The following AHCYL2 variants were observed in gnomAD, a reference collection of about 807,000 sequenced individuals.
AHCYL2 encodes the protein adenosylhomocysteinase like 2.
In AHCYL2, 28 loss-of-function variants were observed where a neutral mutation model predicts 81.4. That is an observed-to-expected ratio of 0.34 (90% confidence interval 0.25 to 0.47). The LOEUF (loss-of-function observed/expected upper bound fraction) is 0.47, where lower values mean the gene tolerates loss of function less well. Among genes scored for constraint, AHCYL2 ranks in the 20% least tolerant of loss-of-function variants. The probability of loss-of-function intolerance (pLI) is 1.00; values close to 1 mark genes in which losing one functional copy is unlikely to be tolerated. For synonymous variants in AHCYL2, 272 were observed against 290.2 expected (o/e 0.94, Z 0.64); for missense variants, 551 against 785.1 (o/e 0.70, Z 3.56).
chr7:129,408,487 CAAGATAGAA>C (rs1796406635), intron 10 of AHCYL2, among the ~76,000 whole-genome samples: 1 of 151,986 alleles, frequency 6.6e-6, no homozygotes, highest in Non-Finnish European at 1.5e-5. Flanking sequence ...TGCTATTGAT[CAAGATAGAA>C]AATATAGAAG....
chr7:129,401,339 G>GCCC (rs11375520), intron 6 of AHCYL2, among the ~76,000 whole-genome samples: 5 of 144,656 alleles, frequency 3.5e-5, no homozygotes, highest in Non-Finnish European at 7.6e-5. Flanking sequence ...CCATCCCAGT[G>GCCC]CCCCCCCCCA....
chr7:129,284,080 TC>T (rs371404324), intron 1 of AHCYL2, among the ~76,000 whole-genome samples: 27 of 152,292 alleles, frequency 1.8e-4, no homozygotes, highest in African/African-American at 6.3e-4. Flanking sequence ...TTCCAGGACT[TC>T]CTGGGGTAGG....
rs143619970 is a variant in AHCYL2 at position 129,424,398 on chromosome 7, TAATCAATCAATCAATC to T, written c.1561-458_1561-443del. Among the ~76,000 whole-genome samples, 411 of 151,770 alleles carry T rather than the reference TAATCAATCAATCAATC, an allele frequency of 2.7e-3. 1 individual carries two copies. The highest frequency in any genetic ancestry group is 4.6e-3 in the Non-Finnish European group (311 of 67,926). The stretch of plus-strand genomic sequence containing the variant: ...CTGGGCAACAGAGGGAGACTCCATC[TAATCAATCAATCAATC>T]AATCAATCAATCAATCATCACAGCT... On this transcript the variant is annotated intron_variant, in intron 13 of 16. Coordinates refer to ENST00000325006, the MANE Select transcript of AHCYL2 (RefSeq NM_015328.4).
chr7:129,354,282 G>A (rs2150834302), intron 1 of AHCYL2, among the ~76,000 whole-genome samples: 1 of 152,308 alleles, frequency 6.6e-6, no homozygotes, highest in East Asian at 1.9e-4. Context: ...GAAGATGGAT[G>A]TGGGGAAGTT....
At chr7:129,407,567 C>G (rs1432430945) in intron 10 of AHCYL2, among the ~76,000 whole-genome samples, 1 of 152,080 alleles carries the variant, frequency 6.6e-6, no homozygotes, top group African/African-American at 2.4e-5. Flanking sequence ...TTCTGGTACA[C>G]TAAGAGTTTA....
At position 129,246,644 on chromosome 7, in the gene AHCYL2, G is replaced by T. The variant is rs180840921; in HGVS notation, c.363+21205G>T. Among the ~76,000 whole-genome samples the T allele has an allele frequency of 3.9e-5, 6 of 152,086 alleles. No homozygotes were observed. In the East Asian group the frequency reaches 1.2e-3, roughly 29 times the overall value. On this transcript the variant is annotated intron_variant, in intron 1 of 16. Transcript: ENST00000325006. ...TCCAAGTAGCTGGGGCTATAGTTGC[G>T]TGCCACCGTGGCTGGCTAATTTTTG...
chr7:129,245,335 G>A (rs1004256117), intron 1 of AHCYL2, among the ~76,000 whole-genome samples: 18 of 152,084 alleles, frequency 1.2e-4, no homozygotes, highest in Non-Finnish European at 5.9e-5. Flanking sequence ...AGAATATTCT[G>A]TTTATGGTAA....
chr7:129,324,807 G>A (rs955769741), intron 1 of AHCYL2, among the ~76,000 whole-genome samples: 2 of 152,214 alleles, frequency 1.3e-5, no homozygotes, highest in African/African-American at 4.8e-5. Flanking sequence ...GAGCCACTGT[G>A]CCCGGCCTGG....
At chr7:129,379,366 C>T (rs1375645700) in intron 1 of AHCYL2, among the ~76,000 whole-genome samples, 1 of 150,908 alleles carries the variant, frequency 6.6e-6, no homozygotes, top group Non-Finnish European at 1.5e-5. Context: ...GACACAGTGA[C>T]ACATGCTTGT....
chr7:129,309,231 C>T (rs1048947030), intron 1 of AHCYL2, among the ~76,000 whole-genome samples: 6 of 151,060 alleles, frequency 4.0e-5, no homozygotes, highest in African/African-American at 1.5e-4. Flanking sequence ...GACTTCGTCT[C>T]AAAACAACAA....
At chr7:129,309,658 C>G (rs571756148) in intron 1 of AHCYL2, among the ~76,000 whole-genome samples, 10 of 152,306 alleles carry the variant, frequency 6.6e-5, no homozygotes, top group Admixed American at 5.2e-4. Context: ...CCCCGCATTC[C>G]TGGATCAATT....
At chr7:129,344,862 A>G (rs1317404651) in intron 1 of AHCYL2, among the ~76,000 whole-genome samples, 1 of 152,146 alleles carries the variant, frequency 6.6e-6, no homozygotes, top group Admixed American at 6.5e-5. Context: ...TCAAATAGAA[A>G]TCCTTCCTTC....
intron 1 of AHCYL2, among the ~76,000 whole-genome samples, chr7:129,322,147 TTTTGTTTGTTTG>T (rs760912107): frequency 6.6e-6 from 1 of 151,406 alleles, no homozygotes; most frequent in Non-Finnish European, 1.5e-5. Flanking sequence ...AGGTAAGGTT[TTTTGTTTGTTTG>T]TTTGTTTGTT....
chr7:129,404,482 C>T (rs1318242754), intron 7 of AHCYL2, among the ~76,000 whole-genome samples: 1 of 152,142 alleles, frequency 6.6e-6, no homozygotes, highest in African/African-American at 2.4e-5. Flanking sequence ...CAAGACCAGC[C>T]TGGCCAACGT....
At position 129,424,878 on chromosome 7, in the gene AHCYL2, G is replaced by T. The variant is rs766038729; in HGVS notation, c.1565G>T (p.Arg522Leu). ...GTCTTCACCTTTGATCACTAGGGCC[G>T]CCTGCTGAACCTTAGCTGCTCCACA... ...GKRIVLLAEG[R>L]LLNLSCSTVP... Residue 522 changes from arginine to leucine, a missense_variant, in exon 14 of 17, where the codon CGC becomes CTC. By Grantham distance (102) the Arg-to-Leu change is moderately radical. Coordinates refer to ENST00000325006, the MANE Select transcript of AHCYL2 (RefSeq NM_015328.4). 1 of 1,612,672 alleles carries T rather than the reference G, an allele frequency of 6.2e-7. No individual in the cohort carries two copies. Among genetic ancestry groups the T allele is most frequent in the East Asian group, 2.2e-5 (1 of 44,892 alleles).
At chr7:129,365,171 A>T (rs975253920) in intron 1 of AHCYL2, among the ~76,000 whole-genome samples, 1 of 152,198 alleles carries the variant, frequency 6.6e-6, no homozygotes. Flanking sequence ...GAGAATAGTG[A>T]TATAGCCAAA....
chr7:129,407,627 AGTTCAGATTATCCT>A (rs1251584436), intron 10 of AHCYL2, among the ~76,000 whole-genome samples: 5 of 152,230 alleles, frequency 3.3e-5, no homozygotes, highest in South Asian at 2.1e-4. Flanking sequence ...GATACTGAAC[AGTTCAGATTATCCT>A]GTTCAGATTA....
intron 1 of AHCYL2, among the ~76,000 whole-genome samples, chr7:129,295,803 G>A (rs570761177): frequency 3.9e-5 from 6 of 152,316 alleles, no homozygotes; most frequent in Admixed American, 2.0e-4. Context: ...GAACTCAAAT[G>A]TCTCTAATTA....
intron 1 of AHCYL2, among the ~76,000 whole-genome samples, chr7:129,229,153 C>T (rs903270003): frequency 5.9e-5 from 9 of 151,614 alleles, no homozygotes; most frequent in African/African-American, 1.5e-4. Context: ...CCGCAACCTC[C>T]GCCTCCCGGG....
Sources: allele counts gnomAD v4.1 joint callset (sites outside exome capture counted in the v4.1 genomes callset), GRCh38; gene constraint gnomAD v4.1.1; transcripts MANE v1.5; gene names NCBI Gene and HGNC (gene_info 2026-07-23, HGNC 2026-07-21).